FERMT2: variants seen among roughly 807,000 people sequenced by gnomAD.
FERMT2 encodes the protein fermitin family homolog 2.
FERMT2 carries 15 observed loss-of-function variants against 82.7 expected under a neutral mutation model. That is an observed-to-expected ratio of 0.18 (90% CI 0.12 to 0.28). FERMT2 has a LOEUF of 0.28. Ranked by LOEUF, FERMT2 falls within the 10% of genes least tolerant of loss-of-function variation. The pLI is 1.00. For missense variants in FERMT2, 645 were observed against 809.4 expected (o/e 0.80, Z 2.46); for synonymous variants, 274 against 271.5 (o/e 1.01, Z -0.09).
chr14:52,950,390 A>AC, intron 2 of FERMT2, 22 bp downstream of exon 2: 1 of 1,603,540 alleles, frequency 6.2e-7, no homozygotes, highest in East Asian at 2.3e-5. Flanking sequence ...CATTAGTTGG[A>AC]CGCGGCTGGG....
chr14:52,915,790 T>G lies in FERMT2; in HGVS notation c.391+3333A>C, dbSNP rs1232101132. ...AAAAAAGACAAAAATAAAAAGTACA[T>G]AAAATCAATCACGAACAAAGGTTTA... On this transcript the variant is annotated intron_variant, in intron 3 of 14. Coordinates refer to ENST00000341590, the MANE Select transcript of FERMT2 (RefSeq NM_006832.3). Among the ~76,000 whole-genome samples the G allele has an allele frequency of 2.6e-5, 4 of 152,188 alleles. No individual in the cohort carries two copies. In the East Asian group the frequency reaches 7.7e-4, roughly 29 times the overall value.
chr14:52,915,815 A>G (rs2139628646), intron 3 of FERMT2, among the ~76,000 whole-genome samples: 1 of 152,380 alleles, frequency 6.6e-6, no homozygotes, highest in East Asian at 1.9e-4. Context: ...ACAAAGGTTT[A>G]TAATAGACCA....
At position 52,858,408 on chromosome 14, in the gene FERMT2, A is replaced by G; in HGVS notation, c.2012T>C (p.Met671Thr). 6.2e-7 allele frequency: 1 copy of G among 1,614,182 alleles called. No homozygotes were observed. Among genetic ancestry groups the G allele is most frequent in the Non-Finnish European group, 8.5e-7 (1 of 1,179,990 alleles). Residue 671 changes from methionine to threonine, a missense_variant, in exon 15 of 15, where the codon ATG (methionine) becomes ACG (threonine). Met to Thr is a moderately conservative substitution (Grantham distance 81). Coordinates refer to ENST00000341590, the MANE Select transcript of FERMT2 (RefSeq NM_006832.3). ...KDQNESLDEEMFYKLTSGWV is the reference protein window; with the variant it reads ...KDQNESLDEETFYKLTSGWV ...CCAACCACTGGTAAGTTTGTAGAACATCTCTTCATCTAAACTCTCGTTTTG... is the reference window on the plus strand; with the variant it reads ...CCAACCACTGGTAAGTTTGTAGAACGTCTCTTCATCTAAACTCTCGTTTTG...
At chr14:52,876,946 T>C (rs972887362) in intron 7 of FERMT2, among the ~76,000 whole-genome samples, 40 of 152,140 alleles carry the variant, frequency 2.6e-4, no homozygotes, top group Non-Finnish European at 4.7e-4. Flanking sequence ...TCTAAAATGG[T>C]CTTGGAGGGC....
At chr14:52,873,428 T>G (rs1030380608) in intron 9 of FERMT2, among the ~76,000 whole-genome samples, 2 of 151,906 alleles carry the variant, frequency 1.3e-5, no homozygotes, top group South Asian at 4.1e-4. Flanking sequence ...CACTCCAATA[T>G]CAAACACAGA....
At chr14:52,927,592 T>TTAAAAAAAAAAAAA (rs1889350559) in intron 2 of FERMT2, among the ~76,000 whole-genome samples, 1 of 33,714 alleles carries the variant, frequency 3.0e-5, no homozygotes, top group African/African-American at 1.3e-4. Flanking sequence ...CTCATCCCTA[T>TTAAAAAAAAAAAAA]AAAAAAAAAA....
intron 10 of FERMT2, 71 bp from the exon 11 acceptor site, chr14:52,864,924 CT>C (rs1487880623): frequency 6.8e-6 from 6 of 888,454 alleles, no homozygotes; most frequent in African/African-American, 5.0e-5. Context: ...ACAAGCAGCC[CT>C]CATTCTGTGG....
intron 3 of FERMT2, among the ~76,000 whole-genome samples, chr14:52,912,065 C>G (rs1418585184): frequency 6.6e-6 from 1 of 151,806 alleles, no homozygotes; most frequent in Non-Finnish European, 1.5e-5. Context: ...AGATACCCCC[C>G]TTCCCTGTCG....
intron 4 of FERMT2, among the ~76,000 whole-genome samples, chr14:52,882,545 A>AG (rs1886356054): frequency 6.6e-6 from 1 of 152,236 alleles, no homozygotes; most frequent in African/African-American, 2.4e-5. Flanking sequence ...CCCAAGTCCT[A>AG]GCTCTGTTAA....
At chr14:52,868,468 G>A (rs73302506) in intron 10 of FERMT2, among the ~76,000 whole-genome samples, 6 of 151,824 alleles carry the variant, frequency 4.0e-5, no homozygotes, top group South Asian at 2.1e-4. Context: ...ATTTTATCTC[G>A]CCAACATGCT....
intron 2 of FERMT2, among the ~76,000 whole-genome samples, chr14:52,926,716 G>GT (rs1033147847): frequency 1.3e-5 from 2 of 151,830 alleles, no homozygotes; most frequent in African/African-American, 4.8e-5. Context: ...GGGGTGGGGC[G>GT]TGGGGGGTAA....
At position 52,930,334 on chromosome 14, in the gene FERMT2, C is replaced by A. The variant is rs2139671661; in HGVS notation, c.158-10978G>T. On this transcript the variant is annotated intron_variant, in intron 2 of 14. Coordinates refer to ENST00000341590, the MANE Select transcript of FERMT2 (RefSeq NM_006832.3). ...ACTTGTAAGTCTGAGAATTCAGATT[C>A]ATCACAGAAAAACACTACATAGTTA... is the stretch of plus-strand genomic sequence containing the variant. Among the ~76,000 whole-genome samples the A allele has an allele frequency of 2.0e-5, 3 of 152,306 alleles. No individual in the cohort carries two copies. In the South Asian group the frequency reaches 6.2e-4, roughly 32 times the overall value.
chr14:52,930,987 T>C (rs979664304), intron 2 of FERMT2, among the ~76,000 whole-genome samples: 1 of 152,122 alleles, frequency 6.6e-6, no homozygotes, highest in East Asian at 1.9e-4. Flanking sequence ...GATTTTAGAG[T>C]TGGGGATCAT....
rs1337173721 is a variant in FERMT2 at position 52,872,930 on chromosome 14, A to G, written c.1149-7T>C. 1.2e-6 allele frequency: 2 copies of G among 1,611,706 alleles called. No homozygotes were observed. Among genetic ancestry groups the G allele is most frequent in the African/African-American group, 2.7e-5 (2 of 74,834 alleles). On this transcript the variant is annotated splice_polypyrimidine_tract_variant and splice_region_variant and intron_variant, in intron 9 of 14. Coordinates refer to ENST00000341590, the MANE Select transcript of FERMT2 (RefSeq NM_006832.3). ...CAGAGTCAGCTTTTTTGGCCTATGT[A>G]TCAAAGAGAATTAACAACAAAATCA...
intron 2 of FERMT2, among the ~76,000 whole-genome samples, chr14:52,923,123 T>G (rs1327377463): frequency 6.6e-6 from 1 of 152,070 alleles, no homozygotes. Context: ...ATTAATCTTA[T>G]GGGACCACGG....
chr14:52,893,709 T>A (rs1358922222), intron 3 of FERMT2, among the ~76,000 whole-genome samples: 5 of 152,184 alleles, frequency 3.3e-5, no homozygotes, highest in Non-Finnish European at 7.4e-5. Context: ...ATTTATTTTT[T>A]ATCTAAAACT....
chr14:52,925,101 A>G (rs1415611363), intron 2 of FERMT2, among the ~76,000 whole-genome samples: 5 of 152,196 alleles, frequency 3.3e-5, no homozygotes, highest in Non-Finnish European at 5.9e-5. Context: ...ATCAAGTCAC[A>G]CAATTGGCTC....
intron 3 of FERMT2, among the ~76,000 whole-genome samples, chr14:52,894,192 C>A (rs1215489064): frequency 6.6e-6 from 1 of 152,098 alleles, no homozygotes; most frequent in Admixed American, 6.5e-5. Flanking sequence ...AGTTTCTGAT[C>A]TATTTTCATT....
At chr14:52,913,319 C>T (rs1888429822) in intron 3 of FERMT2, among the ~76,000 whole-genome samples, 1 of 152,102 alleles carries the variant, frequency 6.6e-6, no homozygotes. Flanking sequence ...ACTATGAGAT[C>T]CCTCGGGAGT....
Sources: gnomAD v4.1 joint callset for allele counts (sites outside exome capture counted in the v4.1 genomes callset) on GRCh38, gnomAD v4.1.1 for gene constraint, MANE v1.5 for transcripts, NCBI Gene and HGNC (gene_info 2026-07-23, HGNC 2026-07-21) for gene names.